CACNA1E: variants seen among roughly 807,000 people sequenced by gnomAD.
CACNA1E encodes calcium voltage-gated channel subunit alpha1 E, also known as voltage-dependent R-type calcium channel subunit alpha-1E.
Under a neutral mutation model 259.2 loss-of-function variants are expected in CACNA1E, and 40 were observed. The ratio of observed to expected loss-of-function variants is 0.15; its 90% CI spans 0.12 to 0.20. The LOEUF (loss-of-function observed/expected upper bound fraction) is 0.20, where lower values mean the gene tolerates loss of function less well. Ranked by LOEUF, CACNA1E falls within the 10% of genes least tolerant of loss-of-function variation. The pLI, the probability that CACNA1E is intolerant of heterozygous loss-of-function variation, is 1.00. For missense variants in CACNA1E, 1,874 were observed against 3,040.1 expected, an observed-to-expected ratio of 0.62 and a Z score of 9.02; for synonymous variants, 1,104 against 1,138.5, an observed-to-expected ratio of 0.97 and a Z score of 0.61.
intron 3 of CACNA1E, among the ~76,000 whole-genome samples, chr1:181,572,139 C>T (rs1040310066): frequency 6.6e-6 from 1 of 152,124 alleles, no homozygotes; most frequent in African/African-American, 2.4e-5. Flanking sequence ...TAGACTTGTA[C>T]AGTGAATGTG....
intron 1 of CACNA1E, among the ~76,000 whole-genome samples, chr1:181,397,111 C>T (rs1254791042): frequency 6.6e-6 from 1 of 152,120 alleles, no homozygotes; most frequent in African/African-American, 2.4e-5. Context: ...CTAGAGGCAA[C>T]CAAACAGACC....
At chr1:181,580,550 G>A (rs374930682) in intron 5 of CACNA1E, 45 bp from the exon 6 acceptor site, 116 of 1,581,656 alleles carry the variant, frequency 7.3e-5, no homozygotes, top group South Asian at 1.1e-4. Context: ...CAGCTCATGC[G>A]AAACACCATG....
intron 25 of CACNA1E, among the ~76,000 whole-genome samples, chr1:181,748,473 A>G (rs1657306961): frequency 6.6e-6 from 1 of 152,204 alleles, no homozygotes; most frequent in South Asian, 2.1e-4. Flanking sequence ...ACGCATGTCT[A>G]TGAGCATGAC....
rs761481124 is a variant in CACNA1E at position 181,495,098 on chromosome 1, A to G, written c.266+11088A>G. 1.7e-4 allele frequency among the ~76,000 whole-genome samples: 26 copies of G among 152,238 alleles called. 1 individual carries two copies. Among genetic ancestry groups the G allele is most frequent in the Non-Finnish European group, 5.9e-5 (4 of 68,046 alleles). ...GGTTTCTCCAAAGTCCACTTTAGGT[A>G]TCATTTTCAGAGACTCAGACAATAT... On this transcript the variant is annotated intron_variant, in intron 1 of 47. Transcript: ENST00000367573.
At chr1:181,767,372 T>C (rs1659108198) in intron 35 of CACNA1E, among the ~76,000 whole-genome samples, 1 of 152,180 alleles carries the variant, frequency 6.6e-6, no homozygotes, top group African/African-American at 2.4e-5. Flanking sequence ...TGAACCTATC[T>C]GGTTGGAGAC....
At chr1:181,411,427 G>A (rs574421760) in intron 1 of CACNA1E, among the ~76,000 whole-genome samples, 29 of 152,256 alleles carry the variant, frequency 1.9e-4, no homozygotes, top group South Asian at 2.1e-4. Flanking sequence ...AAGGAGGAGA[G>A]AGGAGTGACC....
chr1:181,540,945 T>A (rs1427031421), intron 3 of CACNA1E, among the ~76,000 whole-genome samples: 1 of 152,220 alleles, frequency 6.6e-6, no homozygotes. Flanking sequence ...TGTAACGTGG[T>A]ATTCAAATGC....
intron 10 of CACNA1E, 123 bp from the exon 11 acceptor site, chr1:181,716,970 C>T (rs1024532376): frequency 2.7e-6 from 2 of 744,028 alleles, no homozygotes; most frequent in African/African-American, 3.5e-5. Context: ...GGATTCCCCA[C>T]ACCTGCAATG....
At chr1:181,792,725 A>G (rs551068086) in intron 44 of CACNA1E, among the ~76,000 whole-genome samples, 82 of 152,340 alleles carry the variant, frequency 5.4e-4, no homozygotes, top group South Asian at 2.7e-3. Context: ...TTTTTCTGGT[A>G]CGATCTCCAT....
chr1:181,611,573 T>C (rs897167964), intron 6 of CACNA1E, among the ~76,000 whole-genome samples: 8 of 152,124 alleles, frequency 5.3e-5, no homozygotes, highest in Non-Finnish European at 5.9e-5. Flanking sequence ...AAGGATAAGA[T>C]AGACCTGAGG....
intron 1 of CACNA1E, among the ~76,000 whole-genome samples, chr1:181,391,819 AGGCTGTT>A (rs2102040324): frequency 6.6e-6 from 1 of 152,218 alleles, no homozygotes; most frequent in Non-Finnish European, 1.5e-5. Flanking sequence ...GTGGAATAGA[AGGCTGTT>A]GGATTTGTCT....
chr1:181,571,009 G>A (rs1442028242), intron 3 of CACNA1E, among the ~76,000 whole-genome samples: 4 of 152,188 alleles, frequency 2.6e-5, no homozygotes, highest in Middle Eastern at 3.2e-3. Context: ...CTTTTTGGAG[G>A]GAGGGAGCTG....
intron 7 of CACNA1E, among the ~76,000 whole-genome samples, chr1:181,684,111 G>T (rs536118936): frequency 1.3e-5 from 2 of 152,068 alleles, no homozygotes; most frequent in African/African-American, 4.8e-5. Flanking sequence ...CAGTGTATAC[G>T]CGTTCCCTTT....
chr1:181,564,759 G>A (rs1230032177), intron 3 of CACNA1E, among the ~76,000 whole-genome samples: 1 of 152,192 alleles, frequency 6.6e-6, no homozygotes, highest in Non-Finnish European at 1.5e-5. Flanking sequence ...CTTGAAAGTC[G>A]AAATTACTTC....
In CACNA1E at chr1:181,432,399, C is replaced by T. The variant is rs118016883; in HGVS notation, c.434+18819C>T. Among the ~76,000 whole-genome samples the T allele has an allele frequency of 6.9e-4, 104 of 151,730 alleles. No homozygotes were observed. In the East Asian group the frequency reaches 0.018, roughly 27 times the overall value. On this transcript the variant is annotated intron_variant, in intron 2 of 11. Coordinates refer to the CACNA1E transcript ENST00000524607. ...TTTTTTAATGTTTTCATTCATGTAT[C>T]GTTTCAACTGAATCACATGTACCCT...
At chr1:181,733,790 T>A (rs1655764163) in intron 21 of CACNA1E, 40 bp downstream of exon 21, 2 of 1,407,796 alleles carry the variant, frequency 1.4e-6, no homozygotes, top group South Asian at 3.1e-5. Flanking sequence ...CCCCAACTCC[T>A]ATCCCATCTG....
At chr1:181,344,617 T>C (rs1652444299) in intron 1 of CACNA1E, among the ~76,000 whole-genome samples, 1 of 152,178 alleles carries the variant, frequency 6.6e-6, no homozygotes, top group South Asian at 2.1e-4. Flanking sequence ...AAATGCTCTT[T>C]GCCCTAGGGA....
chr1:181,644,069 C>T (rs1463443185), intron 6 of CACNA1E, among the ~76,000 whole-genome samples: 1 of 152,172 alleles, frequency 6.6e-6, no homozygotes, highest in East Asian at 1.9e-4. Flanking sequence ...CATTCTTTCC[C>T]CTGCTCCCCA....
At chr1:181,564,583 A>G (rs1475493720) in intron 3 of CACNA1E, among the ~76,000 whole-genome samples, 1 of 152,172 alleles carries the variant, frequency 6.6e-6, no homozygotes, top group Non-Finnish European at 1.5e-5. Context: ...ATTCTTGTTT[A>G]TGTTGGTCTT....
Sources: allele counts gnomAD v4.1 joint callset (sites outside exome capture counted in the v4.1 genomes callset), GRCh38; gene constraint gnomAD v4.1.1; transcripts MANE v1.5; gene names NCBI Gene and HGNC (gene_info 2026-07-23, HGNC 2026-07-21).